RBFOX1: variants seen among roughly 807,000 people sequenced by gnomAD.
RBFOX1 encodes the protein RNA binding protein fox-1 homolog 1.
In RBFOX1, 8 loss-of-function variants were observed where a neutral mutation model predicts 57.7. That is an observed-to-expected ratio of 0.14 (90% CI 0.08 to 0.25). The LOEUF (loss-of-function observed/expected upper bound fraction) is 0.25. Among genes scored for constraint, RBFOX1 ranks in the 10% least tolerant of loss-of-function variants. The pLI is 1.00. For missense variants in RBFOX1, 611 were observed against 548.5 expected (o/e 1.11, Z -1.14); for synonymous variants, 326 against 222.4 (o/e 1.47, Z -4.15).
chr16:5,381,723 T>C (rs771311327), intron 1 of RBFOX1, among the ~76,000 whole-genome samples: 7 of 152,208 alleles, frequency 4.6e-5, no homozygotes, highest in Admixed American at 1.3e-4. Context: ...GAAGTGATGA[T>C]GGTGATTAAT....
At chr16:6,783,340 C>G (rs2081350597) in intron 3 of RBFOX1, among the ~76,000 whole-genome samples, 1 of 139,276 alleles carries the variant, frequency 7.2e-6, no homozygotes, top group Admixed American at 7.2e-5. Context: ...TCTTGTCTTC[C>G]TTTCTATATA....
chr16:5,603,924 A>T (rs2047461557), downstream of RBFOX1, among the ~76,000 whole-genome samples: 1 of 152,166 alleles, frequency 6.6e-6, no homozygotes, highest in African/African-American at 2.4e-5. Flanking sequence ...GATATAGTAG[A>T]AACTATACCC....
At chr16:7,442,466 C>G (rs558647285) in intron 4 of RBFOX1, among the ~76,000 whole-genome samples, 70 of 152,122 alleles carry the variant, frequency 4.6e-4, no homozygotes, top group Non-Finnish European at 8.5e-4. Context: ...AGCCCTGTGT[C>G]TCAGGGCTCA....
At chr16:6,623,105 G>C (rs2098256727) in intron 2 of RBFOX1, among the ~76,000 whole-genome samples, 1 of 152,170 alleles carries the variant, frequency 6.6e-6, no homozygotes, top group Admixed American at 6.5e-5. Context: ...AAGTATTATG[G>C]AAACGGGAAA....
chr16:5,843,097 G>A (rs960775498), intron 3 of RBFOX1, among the ~76,000 whole-genome samples: 4 of 152,182 alleles, frequency 2.6e-5, no homozygotes, highest in African/African-American at 9.7e-5. Flanking sequence ...AAAGTGCTGG[G>A]ATTACAGGCG....
At chr16:5,249,451 G>A (rs1290058416) in intron 1 of RBFOX1, among the ~76,000 whole-genome samples, 3 of 152,210 alleles carry the variant, frequency 2.0e-5, no homozygotes, top group Non-Finnish European at 4.4e-5. Context: ...AGGTGCCTGG[G>A]AGGGGACGTG....
At chr16:7,692,647 G>T (rs1021160449) in intron 14 of RBFOX1, among the ~76,000 whole-genome samples, 1 of 152,084 alleles carries the variant, frequency 6.6e-6, no homozygotes, top group South Asian at 2.1e-4. Flanking sequence ...ACATAATATC[G>T]TGGAAGTGTC....
chr16:5,709,863 TTTTTTTTTTTTTTTA>T (rs1567430709), intron 3 of RBFOX1, among the ~76,000 whole-genome samples: 1 of 67,058 alleles, frequency 1.5e-5, no homozygotes, highest in Non-Finnish European at 3.3e-5. Flanking sequence ...TTTTTTTTTT[TTTTTTTTTTTTTTTA>T]CCATTTCCTT....
At chr16:7,152,486 A>G (rs1022751265) in intron 4 of RBFOX1, among the ~76,000 whole-genome samples, 7 of 152,220 alleles carry the variant, frequency 4.6e-5, no homozygotes, top group African/African-American at 1.7e-4. Context: ...TATTTCAACT[A>G]GGATCTTTAA....
intron 3 of RBFOX1, among the ~76,000 whole-genome samples, chr16:6,754,942 A>G (rs2075552233): frequency 6.6e-6 from 1 of 151,628 alleles, no homozygotes; most frequent in African/African-American, 2.4e-5. Flanking sequence ...CCTATGACTG[A>G]GAATATGCGG....
chr16:6,915,546 C>G (rs2153442638), intron 3 of RBFOX1, among the ~76,000 whole-genome samples: 1 of 121,068 alleles, frequency 8.3e-6, no homozygotes, highest in South Asian at 2.8e-4. Flanking sequence ...ACCCCCACAC[C>G]CCCCTTTTTT....
chr16:7,036,325 A>G (rs1245824769), intron 3 of RBFOX1, among the ~76,000 whole-genome samples: 1 of 152,152 alleles, frequency 6.6e-6, no homozygotes, highest in South Asian at 2.1e-4. Context: ...GCAGTAGCCA[A>G]TTTTTCACAA....
intron 2 of RBFOX1, among the ~76,000 whole-genome samples, chr16:6,579,054 CA>C (rs887158979): frequency 6.6e-6 from 1 of 151,924 alleles, no homozygotes; most frequent in Admixed American, 6.6e-5. Flanking sequence ...ATAAAAATAA[CA>C]AATAATTTTT....
intron 2 of RBFOX1, among the ~76,000 whole-genome samples, chr16:5,469,243 A>G (rs1424725433): frequency 6.6e-6 from 1 of 152,074 alleles, no homozygotes; most frequent in Non-Finnish European, 1.5e-5. Flanking sequence ...CTTTGTGGGG[A>G]GTAACATCCC....
intron 3 of RBFOX1, among the ~76,000 whole-genome samples, chr16:6,866,743 C>A (rs538017201): frequency 1.6e-4 from 25 of 151,694 alleles, no homozygotes; most frequent in South Asian, 6.3e-4. Flanking sequence ...GGGGTTTCAC[C>A]GTGTTAGCCA....
chr16:6,619,501 C>T (rs1274041842), intron 2 of RBFOX1, among the ~76,000 whole-genome samples: 2 of 152,056 alleles, frequency 1.3e-5, no homozygotes, highest in African/African-American at 4.8e-5. Context: ...AAACTTATGC[C>T]TTTCTGCTTA....
At chr16:5,532,040 C>A (rs761787875) in intron 2 of RBFOX1, among the ~76,000 whole-genome samples, 7 of 152,170 alleles carry the variant, frequency 4.6e-5, no homozygotes, top group Non-Finnish European at 8.8e-5. Flanking sequence ...TCTCAAGTGA[C>A]TGTCCGCCTC....
At chr16:6,542,572 C>G (rs1165617235) in intron 2 of RBFOX1, among the ~76,000 whole-genome samples, 1 of 144,918 alleles carries the variant, frequency 6.9e-6, no homozygotes, top group African/African-American at 2.6e-5. Flanking sequence ...TCACTGCAAG[C>G]TCCGCCTCCT....
chr16:5,253,077 G>T (rs1195898427), intron 1 of RBFOX1, among the ~76,000 whole-genome samples: 3 of 152,102 alleles, frequency 2.0e-5, no homozygotes, highest in Non-Finnish European at 4.4e-5. Flanking sequence ...AAGACTCTCT[G>T]TAGAAACCAG....
Sources: allele counts gnomAD v4.1 joint callset (sites outside exome capture counted in the v4.1 genomes callset), GRCh38; gene constraint gnomAD v4.1.1; transcripts MANE v1.5; gene names NCBI Gene and HGNC (gene_info 2026-07-23, HGNC 2026-07-21).